The following DOCK2 variants were observed in gnomAD, a reference collection of about 807,000 sequenced individuals.
DOCK2 encodes the protein dedicator of cytokinesis protein 2.
In DOCK2, 87 loss-of-function variants were observed where a neutral mutation model predicts 248.9. The observed-to-expected ratio is 0.35, with a 90% CI of 0.29 to 0.42. The LOEUF is 0.42. Ranked by LOEUF, DOCK2 falls within the 10% of genes least tolerant of loss-of-function variation. DOCK2 has a pLI of 1.00. For synonymous variants in DOCK2, 805 were observed against 821.6 expected (o/e 0.98, Z 0.35); for missense variants, 1,747 against 2,300.2 (o/e 0.76, Z 4.92).
chr5:170,031,564 C>A (rs1361925344), intron 34 of DOCK2, among the ~76,000 whole-genome samples: 1 of 152,190 alleles, frequency 6.6e-6, no homozygotes, highest in Non-Finnish European at 1.5e-5. Flanking sequence ...ACAGGCTTAG[C>A]ATGCGGTCTG....
intron 25 of DOCK2, among the ~76,000 whole-genome samples, chr5:169,772,649 A>G (rs973291673): frequency 2.0e-5 from 3 of 152,242 alleles, no homozygotes; most frequent in East Asian, 1.9e-4. Flanking sequence ...ATGAAAATCT[A>G]TGTTTTAAAA....
intron 25 of DOCK2, among the ~76,000 whole-genome samples, chr5:169,786,592 T>A (rs1765994898): frequency 6.6e-6 from 1 of 152,188 alleles, no homozygotes; most frequent in African/African-American, 2.4e-5. Context: ...TTCAGGCAAC[T>A]ATTTGCTGTC....
At chr5:169,996,034 G>C in intron 29 of DOCK2, 52 bp from the exon 30 acceptor site, 11 of 1,591,800 alleles carry the variant, frequency 6.9e-6, no homozygotes, top group Non-Finnish European at 9.4e-6. Context: ...AAGGACGAAG[G>C]AACTTAAGGG....
chr5:169,876,396 A>C (rs1431239815), intron 27 of DOCK2, among the ~76,000 whole-genome samples: 1 of 152,190 alleles, frequency 6.6e-6, no homozygotes, highest in East Asian at 1.9e-4. Context: ...TGATGTTCTA[A>C]CTCATTCTCC....
chr5:170,049,889 G>T (rs1561898215), intron 40 of DOCK2, among the ~76,000 whole-genome samples: 1 of 152,184 alleles, frequency 6.6e-6, no homozygotes, highest in South Asian at 2.1e-4. Flanking sequence ...CAGCCCACAG[G>T]TCCAGCCCAC....
intron 44 of DOCK2, among the ~76,000 whole-genome samples, chr5:170,063,410 G>T (rs1285609249): frequency 6.6e-6 from 1 of 152,090 alleles, no homozygotes; most frequent in East Asian, 1.9e-4. Context: ...ACACTTCCAG[G>T]GGTTACATCC....
At position 169,747,435 on chromosome 5, in the gene DOCK2, CAT is replaced by C; in HGVS notation, c.2308_2309del (p.Met770GlufsTer5). The C allele has an allele frequency of 6.2e-7, 1 of 1,613,644 alleles. No homozygotes were observed. The highest frequency in any genetic ancestry group is 1.1e-5 in the South Asian group (1 of 90,970). ...AAGAACAGATGGAGTTTGAAGAATCCATGAGACGGCTCTTTGAATCCATCAAC... is the reference window on the plus strand; with the variant it reads ...AAGAACAGATGGAGTTTGAAGAATCCGAGACGGCTCTTTGAATCCATCAAC... ...GKEQMEFEES[M>X]RRLFESINNL... is the part of the protein sequence containing the mutation. On this transcript the variant is annotated frameshift_variant, in exon 23 of 52. Transcript: ENST00000520908. LOFTEE classifies it high-confidence loss of function.
intron 25 of DOCK2, among the ~76,000 whole-genome samples, chr5:169,777,635 A>G (rs1370026741): frequency 1.3e-5 from 2 of 152,106 alleles, no homozygotes; most frequent in Non-Finnish European, 2.9e-5. Context: ...TGATTTTGCT[A>G]CCTTACCCGG....
intron 14 of DOCK2, among the ~76,000 whole-genome samples, chr5:169,707,964 A>G (rs1426285922): frequency 9.9e-5 from 15 of 152,216 alleles, no homozygotes; most frequent in Admixed American, 9.8e-4. Context: ...TTCTGTAGTT[A>G]AGTGCCTGTC....
At chr5:169,893,054 T>G (rs1773389735) in intron 27 of DOCK2, among the ~76,000 whole-genome samples, 1 of 152,210 alleles carries the variant, frequency 6.6e-6, no homozygotes, top group African/African-American at 2.4e-5. Context: ...TAGCCCCTTC[T>G]CTTGCCTTCT....
intron 38 of DOCK2, among the ~76,000 whole-genome samples, chr5:170,042,671 C>G (rs990742023): frequency 4.6e-5 from 7 of 152,206 alleles, no homozygotes; most frequent in Non-Finnish European, 1.0e-4. Context: ...CACTGGAACG[C>G]TGGGCTCCAC....
intron 27 of DOCK2, among the ~76,000 whole-genome samples, chr5:169,968,199 CT>C (rs914069982): frequency 2.6e-5 from 4 of 152,196 alleles, no homozygotes; most frequent in African/African-American, 9.7e-5. Flanking sequence ...CAATCATGGG[CT>C]GGTTGTTTCA....
chr5:169,697,613 C>T (rs1328252702), intron 10 of DOCK2, among the ~76,000 whole-genome samples: 6 of 152,084 alleles, frequency 3.9e-5, no homozygotes, highest in Non-Finnish European at 7.4e-5. Flanking sequence ...AATGGATGCT[C>T]GGTTTCTCCT....
intron 15 of DOCK2, among the ~76,000 whole-genome samples, chr5:169,710,520 G>A (rs1390508719): frequency 5.9e-5 from 9 of 152,260 alleles, no homozygotes; most frequent in South Asian, 4.1e-4. Flanking sequence ...TTACCAGATC[G>A]TCACACTAAG....
chr5:169,820,257 G>C (rs1768344738), intron 26 of DOCK2, among the ~76,000 whole-genome samples: 1 of 152,236 alleles, frequency 6.6e-6, no homozygotes, highest in Non-Finnish European at 1.5e-5. Flanking sequence ...CTGTCTGACA[G>C]CTTTGAAGAG....
intron 27 of DOCK2, among the ~76,000 whole-genome samples, chr5:169,924,670 T>A (rs1160379288): frequency 6.6e-6 from 1 of 152,150 alleles, no homozygotes; most frequent in Non-Finnish European, 1.5e-5. Flanking sequence ...AAATGGAGAT[T>A]CCCCTCTGCC....
intron 22 of DOCK2, among the ~76,000 whole-genome samples, chr5:169,731,429 G>A (rs572179074): frequency 3.9e-5 from 6 of 152,126 alleles, no homozygotes; most frequent in African/African-American, 7.2e-5. Context: ...GCTGCCATCC[G>A]TGTAAAACGT....
rs1757971477 is a variant in DOCK2, at chr5:170,080,033, A to G, written c.5167-130A>G. 5 of 1,493,058 alleles carry G rather than the reference A, an allele frequency of 3.3e-6. No individual in the cohort carries two copies. In the South Asian group the frequency reaches 6.4e-5, roughly 19 times the overall value. 92.5% of individuals were successfully genotyped at this position (1,493,058 alleles called of 1,614,324 possible). A position where few individuals can be genotyped will look rare whatever the true frequency, so the allele number is the denominator to read the frequency against. ...GCATGGAATGGTATAATACAGAATA[A>G]ATGAACTTGGAGCCAGCTTCATAGA... On this transcript the variant is annotated intron_variant, in intron 49 of 51. Transcript: ENST00000520908.
At chr5:169,824,565 G>A (rs1331342298) in intron 26 of DOCK2, among the ~76,000 whole-genome samples, 1 of 152,188 alleles carries the variant, frequency 6.6e-6, no homozygotes, top group Non-Finnish European at 1.5e-5. Context: ...AAACTGGCTA[G>A]CCATATGTAG....
Sources: allele counts gnomAD v4.1 joint callset (sites outside exome capture counted in the v4.1 genomes callset), GRCh38; gene constraint gnomAD v4.1.1; transcripts MANE v1.5; gene names NCBI Gene and HGNC (gene_info 2026-07-23, HGNC 2026-07-21).